The following LRFN1 variants were observed in gnomAD, a reference collection of about 807,000 sequenced individuals.
LRFN1 encodes the protein leucine rich repeat and fibronectin type III domain containing 1, also known as leucine-rich repeat and fibronectin type III domain-containing protein 1.
LRFN1 carries 20 observed loss-of-function variants against 31.8 expected under a neutral mutation model. That is an observed-to-expected ratio of 0.63 (90% confidence interval 0.44 to 0.91). LRFN1 has a LOEUF of 0.91. Among genes scored for constraint, LRFN1 ranks in the 40% least tolerant of loss-of-function variants. The pLI, the probability that LRFN1 is intolerant of heterozygous loss-of-function variation, is 0.00. For synonymous variants in LRFN1, 514 were observed against 541.3 expected, an observed-to-expected ratio of 0.95 and a Z score of 0.70; for missense variants, 912 against 1,129.8, an observed-to-expected ratio of 0.81 and a Z score of 2.76.
In LRFN1 at chr19:39,313,966, C is replaced by T. The variant is rs1042958974; in HGVS notation, c.1371G>A (p.Gln457=). ...PVPGIRMYQV[Q]YNSSVDDSLV... ...GGGAGTCATCAACGGAACTGTTGTA[C>T]TGAACCTGGTACATGCGTATTCCGG... is the stretch of plus-strand genomic sequence containing the variant. Residue 457 remains glutamine (Q), a synonymous_variant, in exon 4 of 5, where the codon CAG becomes CAA. Coordinates refer to ENST00000248668, the MANE Select transcript of LRFN1 (RefSeq NM_020862.2). The T allele has an allele frequency of 6.2e-7, 1 of 1,603,030 alleles. No individual in the cohort carries two copies. The highest frequency in any genetic ancestry group is 8.5e-7 in the Non-Finnish European group (1 of 1,174,716).
At position 39,308,078 on chromosome 19, in the gene LRFN1, TTGGCCTC is replaced by T; in HGVS notation, c.1864_1870del (p.Glu622ArgfsTer64). On this transcript the variant is annotated frameshift_variant, in exon 5 of 5. Coordinates refer to ENST00000248668, the MANE Select transcript of LRFN1 (RefSeq NM_020862.2). LOFTEE classifies it high-confidence loss of function. The surrounding 1 kb of genome is among the most constrained non-coding windows in gnomAD (Gnocchi z 6.2). ...GGATGCCGTCTCGGCCTCCATGGCC[TTGGCCTC>T]GACGGCGACGGCGGGGGCAGCCTGG... 1 of 1,504,786 alleles carries T rather than the reference TTGGCCTC, an allele frequency of 6.6e-7. No individual in the cohort carries two copies. The highest frequency in any genetic ancestry group is 1.3e-5 in the South Asian group (1 of 76,312). 93.2% of individuals were successfully genotyped at this position (1,504,786 alleles called of 1,614,324 possible). A position where few individuals can be genotyped will look rare whatever the true frequency, so the allele number is the denominator to read the frequency against.
At position 39,308,237 on chromosome 19, in the gene LRFN1, T is replaced by A. The variant is rs1759903441; in HGVS notation, c.1712A>T (p.Lys571Met). Residue 571 changes from lysine to methionine, a missense_variant, in exon 5 of 5, where the codon AAG (lysine) becomes ATG (methionine). This residue lies in a region of LRFN1 where 511 missense variants were observed against 557.0 expected (regional missense o/e 0.92). Coordinates refer to ENST00000248668, the MANE Select transcript of LRFN1 (RefSeq NM_020862.2). The surrounding 1 kb of genome is among the most constrained non-coding windows in gnomAD (Gnocchi z 6.2). ...VYGDGDSRRV[K>M]GSRSLPRVSH... ...GACCCGCGGGAGCGACCTGGAGCCC[T>A]TGACGCGGCGGCTGTCCCCGTCGCC... 2 of 1,612,338 alleles carry A rather than the reference T, an allele frequency of 1.2e-6. No individual in the cohort carries two copies. The highest frequency in any genetic ancestry group is 2.7e-5 in the African/African-American group (2 of 75,028).
intron 1 of LRFN1, among the ~76,000 whole-genome samples, chr19:39,320,185 G>A (rs1405805083): frequency 6.6e-6 from 1 of 150,936 alleles, no homozygotes; most frequent in East Asian, 2.0e-4. Context: ...ATGGACCGAG[G>A]GAGCGGCGAA....
rs932953905 is a variant in LRFN1, at chr19:39,307,281, G to A, written c.*352C>T. ...CCCCGGGTGACGGGCTGGGGGAGGG[G>A]GCTCGTGTCTCAGTGCTGCAGTGTC... On this transcript the variant is annotated 3_prime_UTR_variant, in exon 5 of 5. Coordinates refer to ENST00000248668, the MANE Select transcript of LRFN1 (RefSeq NM_020862.2). The surrounding 1 kb of genome is among the most constrained non-coding windows in gnomAD (Gnocchi z 6.7). The A allele has an allele frequency of 5.0e-6, 2 of 398,610 alleles. No individual in the cohort carries two copies. Among genetic ancestry groups the A allele is most frequent in the Non-Finnish European group, 8.8e-6 (2 of 225,998 alleles). 24.7% of individuals were successfully genotyped at this position (398,610 alleles called of 1,614,324 possible). A position where few individuals can be genotyped will look rare whatever the true frequency, so the allele number is the denominator to read the frequency against.
chr19:39,311,720 T>C (rs1328142809), intron 4 of LRFN1, among the ~76,000 whole-genome samples: 3 of 152,106 alleles, frequency 2.0e-5, no homozygotes, highest in Non-Finnish European at 2.9e-5. Context: ...CATTTGTTTG[T>C]CCTCATGTTT....
intron 1 of LRFN1, among the ~76,000 whole-genome samples, chr19:39,319,480 G>A (rs900674690): frequency 1.3e-5 from 2 of 151,504 alleles, no homozygotes; most frequent in Admixed American, 1.3e-4. Flanking sequence ...CAGATACGAG[G>A]CTGATCCACA....
Position 39,308,144 on chromosome 19 carries a change from T to TGGGCCGGCA in LRFN1, c.1796_1804dup (p.Leu599_Ala601dup). 1 of 1,539,916 alleles carries TGGGCCGGCA rather than the reference T, an allele frequency of 6.5e-7. No individual in the cohort carries two copies. The highest frequency in any genetic ancestry group is 2.0e-5 in the Admixed American group (1 of 50,000). On this transcript the variant is annotated inframe_insertion, in exon 5 of 5. Transcript: ENST00000248668. The surrounding 1 kb of genome is among the most constrained non-coding windows in gnomAD (Gnocchi z 6.2). ...CTCGCGCAGCGCCTCGTAGTGGTCC[T>TGGGCCGGCA]GGGCCGGCAGGGCCGGGGCCTGTGC...
intron 4 of LRFN1, among the ~76,000 whole-genome samples, chr19:39,312,899 TG>T (rs1470557255): frequency 6.6e-6 from 1 of 152,024 alleles, no homozygotes; most frequent in Non-Finnish European, 1.5e-5. Context: ...CACGACCTAC[TG>T]GGCTATAAGC....
rs1176487293 is a variant in LRFN1 at position 39,307,788 on chromosome 19, G to A, written c.2161C>T (p.Arg721Cys). The A allele has an allele frequency of 6.7e-7, 1 of 1,486,216 alleles. No homozygotes were observed. 92.1% of individuals were successfully genotyped at this position (1,486,216 alleles called of 1,614,324 possible). A position where few individuals can be genotyped will look rare whatever the true frequency, so the allele number is the denominator to read the frequency against. Reference sequence around the variant, plus strand: ...TGGCGCTTTGTCCGCCGGGCGCGGCGCGGGTAACTGTGGCTCTGGAATAGT... The same window carrying A: ...TGGCGCTTTGTCCGCCGGGCGCGGCACGGGTAACTGTGGCTCTGGAATAGT... ...GALFQSHSYP[R>C]RARRTKRHRS... The change falls in exon 5 of 5, where the codon CGC becomes TGC. Residue 721 changes from arginine to cysteine, a missense_variant. This residue lies in a region of LRFN1 where 511 missense variants were observed against 557.0 expected (regional missense o/e 0.92). Coordinates refer to ENST00000248668, the MANE Select transcript of LRFN1 (RefSeq NM_020862.2). This position sits in a 1 kb window ranked among gnomAD's most constrained non-coding sequence, Gnocchi z 6.7.
intron 1 of LRFN1, among the ~76,000 whole-genome samples, chr19:39,319,201 A>G (rs1010627437): frequency 1.3e-5 from 2 of 152,206 alleles, no homozygotes; most frequent in Admixed American, 6.5e-5. Flanking sequence ...ACACAAATGC[A>G]CAGATACAAC....
Position 39,315,470 on chromosome 19 carries a change from G to A in LRFN1, c.-37-97C>T. 6.3e-6 allele frequency: 5 copies of A among 793,560 alleles called. No homozygotes were observed. The South Asian group carries it at 1.0e-4, about 17-fold the overall frequency. The allele number at this position is 793,560 out of a possible 1,614,324, so 49.2% of individuals were successfully genotyped here. On this transcript the variant is annotated intron_variant, in intron 3 of 4. Transcript: ENST00000248668. This position sits in a 1 kb window ranked among gnomAD's most constrained non-coding sequence, Gnocchi z 4.7. Reference sequence around the variant, plus strand: ...CTGGATCCCTCCCCTACCGCCTACAGCTGGGTTCCATAGGATGGTGAGAGG... The same window carrying A: ...CTGGATCCCTCCCCTACCGCCTACAACTGGGTTCCATAGGATGGTGAGAGG...
Position 39,314,351 on chromosome 19 carries a change from G to A in LRFN1, c.986C>T (p.Pro329Leu), listed in dbSNP as rs746115454. The A allele has an allele frequency of 6.3e-7, 1 of 1,593,986 alleles. No individual in the cohort carries two copies. The highest frequency in any genetic ancestry group is 8.5e-7 in the Non-Finnish European group (1 of 1,171,246). Residue 329 changes from proline to leucine, a missense_variant, in exon 4 of 5, where the codon CCG becomes CTG. Around this residue, in one of 2 missense-constraint regions of LRFN1, gnomAD observed 401 missense variants for 572.7 expected, o/e 0.70. Transcript: ENST00000248668. ...LRCRAVGDPE[P>L]VVHWVAPDGR... Reference sequence around the variant, plus strand: ...ATCAGGTGCCACCCAGTGCACCACCGGCTCGGGGTCACCCACCGCTCGGCA... The same window carrying A: ...ATCAGGTGCCACCCAGTGCACCACCAGCTCGGGGTCACCCACCGCTCGGCA...
Position 39,314,160 on chromosome 19 carries a change from T to C in LRFN1, c.1177A>G (p.Met393Val). Reference protein sequence around the residue: ...VEVCVVPLPLMAPPPAAPPPL... With the variant: ...VEVCVVPLPLVAPPPAAPPPL... ...GGCGGGGCAGCCGGCGGGGGTGCCA[T>C]CAGAGGCAGAGGTACCACGCACACC... is the stretch of plus-strand genomic sequence containing the variant. Residue 393 changes from methionine (M) to valine (V), a missense_variant, in exon 4 of 5, where the codon ATG (methionine) becomes GTG (valine). Met to Val is a conservative substitution (Grantham distance 21, BLOSUM62 1). Around this residue, in one of 2 missense-constraint regions of LRFN1, gnomAD observed 401 missense variants for 572.7 expected, o/e 0.70. Transcript: ENST00000248668. 1 of 1,612,748 alleles carries C rather than the reference T, an allele frequency of 6.2e-7. No homozygotes were observed. Among genetic ancestry groups the C allele is most frequent in the Non-Finnish European group, 8.5e-7 (1 of 1,179,530 alleles).
chr19:39,311,372 C>A (rs1410415343), intron 4 of LRFN1, among the ~76,000 whole-genome samples: 2 of 152,106 alleles, frequency 1.3e-5, no homozygotes, highest in African/African-American at 4.8e-5. Flanking sequence ...TGCATCCATG[C>A]AGGGTCTGGG....
Position 39,306,754 on chromosome 19 carries a change from CA to C in LRFN1, c.*878del, listed in dbSNP as rs2075129870. 1 of 153,684 alleles carries C rather than the reference CA, an allele frequency of 6.5e-6. No individual in the cohort carries two copies. The highest frequency in any genetic ancestry group is 1.4e-5 in the Non-Finnish European group (1 of 69,562). 9.5% of individuals were successfully genotyped at this position (153,684 alleles called of 1,614,324 possible). On this transcript the variant is annotated 3_prime_UTR_variant, in exon 5 of 5. Transcript: ENST00000248668. ...CAACACACACACACACACACACACA[CA>C]CACACACACACACACACTACACGCG...
In LRFN1 at chr19:39,307,831, G is replaced by T; in HGVS notation, c.2118C>A (p.Phe706Leu). The T allele has an allele frequency of 1.3e-6, 2 of 1,496,576 alleles. No homozygotes were observed. Among genetic ancestry groups the T allele is most frequent in the Non-Finnish European group, 1.8e-6 (2 of 1,129,352 alleles). The allele number at this position is 1,496,576 out of a possible 1,614,324, so 92.7% of individuals were successfully genotyped here. A position where few individuals can be genotyped will look rare whatever the true frequency, so the allele number is the denominator to read the frequency against. ...ARPRPQQRYS[F>L]DGDYGALFQS... ...GGAATAGTGCCCCGTAGTCCCCGTC[G>T]AACGAATAGCGCTGCTGCGGCCTCG... The change falls in exon 5 of 5, where the codon TTC becomes TTA. Residue 706 changes from phenylalanine to leucine, a missense_variant. Physicochemically the swap from Phe to Leu is conservative, Grantham distance 22. This residue lies in a region of LRFN1 where 511 missense variants were observed against 557.0 expected (regional missense o/e 0.92). Transcript: ENST00000248668. This position sits in a 1 kb window ranked among gnomAD's most constrained non-coding sequence, Gnocchi z 6.7.
chr19:39,310,470 A>C (rs1159357542), intron 4 of LRFN1, among the ~76,000 whole-genome samples: 1 of 152,100 alleles, frequency 6.6e-6, no homozygotes, highest in Non-Finnish European at 1.5e-5. Flanking sequence ...CATTCCTCCC[A>C]TCTATAAGAT....
rs752608749 is a variant in LRFN1 at position 39,314,090 on chromosome 19, C to A, written c.1247G>T (p.Arg416Ile). ...AGCCGCAGAATCGTTGGCACCTGGT[C>A]TGCCCGGCGTGGCGATGTCAGAGGA... ...PGSSDIATPGRPGANDSAAER... is the reference protein window; with the variant it reads ...PGSSDIATPGIPGANDSAAER... Residue 416 changes from arginine to isoleucine, a missense_variant, in exon 4 of 5, where the codon AGA becomes ATA. Physicochemically the swap from Arg to Ile is moderately conservative, Grantham distance 97. Coordinates refer to ENST00000248668, the MANE Select transcript of LRFN1 (RefSeq NM_020862.2). 2 of 1,612,566 alleles carry A rather than the reference C, an allele frequency of 1.2e-6. No homozygotes were observed. Among genetic ancestry groups the A allele is most frequent in the Non-Finnish European group, 8.5e-7 (1 of 1,179,578 alleles).
At position 39,315,961 on chromosome 19, in the gene LRFN1, G is replaced by A. The variant is rs2075171035; in HGVS notation, c.-38+121C>T. Reference sequence around the variant, plus strand: ...TCTCCCAACCAGAGGGGTGACACCTGGCCCAACCTGGGCCCTCCAGTACCC... The same window carrying A: ...TCTCCCAACCAGAGGGGTGACACCTAGCCCAACCTGGGCCCTCCAGTACCC... On this transcript the variant is annotated intron_variant, in intron 3 of 4. Transcript: ENST00000248668. The surrounding 1 kb of genome is among the most constrained non-coding windows in gnomAD (Gnocchi z 4.7). The A allele has an allele frequency of 6.6e-6, 1 of 152,220 alleles. No homozygotes were observed. Among genetic ancestry groups the A allele is most frequent in the African/African-American group, 2.4e-5 (1 of 41,426 alleles). The allele number at this position is 152,220 out of a possible 1,614,324, so 9.4% of individuals were successfully genotyped here.
Sources: allele counts gnomAD v4.1 joint callset (sites outside exome capture counted in the v4.1 genomes callset), GRCh38; gene constraint gnomAD v4.1.1; regional missense constraint gnomAD v4.1.1; non-coding constraint Gnocchi (gnomAD v3.1); transcripts MANE v1.5; gene names NCBI Gene and HGNC (gene_info 2026-07-23, HGNC 2026-07-21).